The following NCBP1 variants were observed in gnomAD, a reference collection of about 807,000 sequenced individuals.
The protein encoded by NCBP1 is nuclear cap binding protein subunit 1.
A neutral mutation model predicts 111.7 loss-of-function variants in NCBP1; 16 were observed. That is an observed-to-expected ratio of 0.14 (90% confidence interval 0.10 to 0.22). NCBP1 has a LOEUF of 0.22. Ranked by LOEUF, NCBP1 falls within the 10% of genes least tolerant of loss-of-function variation. The pLI is 1.00. For missense variants in NCBP1, 607 were observed against 957.5 expected (o/e 0.63, Z 4.83); for synonymous variants, 304 against 314.3 (o/e 0.97, Z 0.35).
Position 97,669,662 on chromosome 9 carries a change from T to C in NCBP1, c.2215T>C (p.Trp739Arg), listed in dbSNP as rs148698789. The C allele has an allele frequency of 1.5e-5, 24 of 1,612,266 alleles. No individual in the cohort carries two copies. The highest frequency in any genetic ancestry group is 2.0e-5 in the Non-Finnish European group (24 of 1,178,454). Residue 739 changes from tryptophan to arginine, a missense_variant, in exon 22 of 23, where the codon TGG becomes CGG. Physicochemically the swap from Trp to Arg is moderately radical, Grantham distance 101 (BLOSUM62 -3). This residue lies in a region of NCBP1 where 282 missense variants were observed against 376.5 expected (regional missense o/e 0.75). Coordinates refer to ENST00000375147, the MANE Select transcript of NCBP1 (RefSeq NM_002486.5). ...TGATGGGACCAGTGTATTAACACCA[T>C]GGTATAAGAACTGTATAGAGAGGCT... ...ETDGTSVLTP[W>R]YKNCIERLQQ...
In NCBP1 at chr9:97,671,213, C is replaced by T. The variant is rs746827486; in HGVS notation, c.*14C>T. 3.9e-6 allele frequency: 6 copies of T among 1,542,000 alleles called. No individual in the cohort carries two copies. The highest frequency in any genetic ancestry group is 1.7e-4 in the Middle Eastern group (1 of 5,900). On this transcript the variant is annotated 3_prime_UTR_variant, in exon 23 of 23. Transcript: ENST00000375147. ...CTGCAGGCCTAAGGGTCATTTTTTC[C>T]TCATGTCAAGGTTTTTTTTGATATC...
At chr9:97,658,503 A>AT (rs1251392327) in intron 14 of NCBP1, 137 bp from the exon 15 acceptor site, 413 of 664,492 alleles carry the variant, frequency 6.2e-4, no homozygotes, top group East Asian at 2.7e-3. Flanking sequence ...AACTCAAAGG[A>AT]TTTTTTTTTC....
rs1157431407 is a variant in NCBP1, at chr9:97,669,669, A to C, written c.2222A>C (p.Lys741Thr). ...DGTSVLTPWY[K>T]NCIERLQQIF... ...ACCAGTGTATTAACACCATGGTATA[A>C]GAACTGTATAGAGAGGCTGCAGCAG... Residue 741 changes from lysine (K) to threonine (T), a missense_variant, in exon 22 of 23, where the codon AAG (lysine) becomes ACG (threonine). Physicochemically the swap from Lys to Thr is moderately conservative, Grantham distance 78. This residue lies in a region of NCBP1 where 282 missense variants were observed against 376.5 expected (regional missense o/e 0.75). Coordinates refer to ENST00000375147, the MANE Select transcript of NCBP1 (RefSeq NM_002486.5). 4 of 1,610,270 alleles carry C rather than the reference A, an allele frequency of 2.5e-6. No homozygotes were observed. Among genetic ancestry groups the C allele is most frequent in the African/African-American group, 1.3e-5 (1 of 74,830 alleles).
intron 11 of NCBP1, among the ~76,000 whole-genome samples, chr9:97,654,224 C>T (rs1194450766): frequency 6.6e-6 from 1 of 152,098 alleles, no homozygotes; most frequent in African/African-American, 2.4e-5. Context: ...CAGCATTTTA[C>T]CCACAGTAGA....
chr9:97,634,804 T>G (rs1327786387), intron 1 of NCBP1, among the ~76,000 whole-genome samples: 5 of 152,220 alleles, frequency 3.3e-5, no homozygotes, highest in Non-Finnish European at 4.4e-5. Flanking sequence ...AGATGAGACT[T>G]TGGAACCAGA....
rs748332872 is a variant in NCBP1 at position 97,653,783 on chromosome 9, A to C, written c.1060-15A>C. On this transcript the variant is annotated splice_polypyrimidine_tract_variant and intron_variant, in intron 10 of 22. Transcript: ENST00000375147. ...TAGCAGTTGGATTGAATTGTGACTC[A>C]TGATTCTTTTGTAGGTGATCTTTGC... 3 of 1,599,710 alleles carry C rather than the reference A, an allele frequency of 1.9e-6. No homozygotes were observed. The African/African-American group carries it at 4.0e-5, about 21-fold the overall frequency.
chr9:97,652,864 G>C (rs1165068294), intron 10 of NCBP1, among the ~76,000 whole-genome samples: 1 of 152,132 alleles, frequency 6.6e-6, no homozygotes, highest in Non-Finnish European at 1.5e-5. Flanking sequence ...TTTTAAATCT[G>C]CAAAATGTAT....
chr9:97,641,251 C>A (rs1341878947), intron 2 of NCBP1, among the ~76,000 whole-genome samples: 1 of 151,986 alleles, frequency 6.6e-6, no homozygotes, highest in African/African-American at 2.4e-5. Flanking sequence ...AATACTTATT[C>A]TGTTATCATA....
chr9:97,645,676 C>T lies in NCBP1; in HGVS notation c.555C>T (p.Tyr185=), dbSNP rs1477848847. 4.3e-6 allele frequency: 7 copies of T among 1,613,882 alleles called. No homozygotes were observed. The highest frequency in any genetic ancestry group is 3.3e-5 in the Admixed American group (2 of 60,016). ...SSLPWVGKEL[Y]EKKDAEMDRI... ...TGCCCTGGGTTGGAAAGGAGTTGTACGAAAAGAAAGATGCAGAGATGGACC... is the reference window on the plus strand; with the variant it reads ...TGCCCTGGGTTGGAAAGGAGTTGTATGAAAAGAAAGATGCAGAGATGGACC... Residue 185 remains tyrosine, a synonymous_variant, in exon 6 of 23, where the codon TAC becomes TAT. Transcript: ENST00000375147.
At chr9:97,659,448 A>C (rs1346782096) in intron 15 of NCBP1, among the ~76,000 whole-genome samples, 1 of 152,118 alleles carries the variant, frequency 6.6e-6, no homozygotes, top group Non-Finnish European at 1.5e-5. Context: ...TCTGTCTCTG[A>C]CTGTACCTGT....
chr9:97,667,425 AGTTG>A (rs1180537775), intron 20 of NCBP1, among the ~76,000 whole-genome samples: 1 of 152,212 alleles, frequency 6.6e-6, no homozygotes, highest in Non-Finnish European at 1.5e-5. Context: ...GGTGAAAAAA[AGTTG>A]AGTTTAGTGC....
Position 97,666,743 on chromosome 9 carries a change from A to G in NCBP1, c.1902-20A>G. ...AACCATAGCTTGACATACAGTAACC[A>G]AATGCCATATTTCTTTAAGATTGTT... On this transcript the variant is annotated intron_variant, in intron 19 of 22. Transcript: ENST00000375147. 6.7e-7 allele frequency: 1 copy of G among 1,496,530 alleles called. No homozygotes were observed. The highest frequency in any genetic ancestry group is 1.4e-5 in the African/African-American group (1 of 70,916). The allele number at this position is 1,496,530 out of a possible 1,614,324, so 92.7% of individuals were successfully genotyped here.
intron 3 of NCBP1, among the ~76,000 whole-genome samples, chr9:97,642,397 T>C (rs76414733): frequency 6.6e-6 from 1 of 152,112 alleles, no homozygotes; most frequent in Non-Finnish European, 1.5e-5. Context: ...TTTGAAGACC[T>C]TGATTGTCCC....
At chr9:97,663,696 G>T (rs533907880) in intron 18 of NCBP1, among the ~76,000 whole-genome samples, 2 of 151,730 alleles carry the variant, frequency 1.3e-5, no homozygotes, top group Admixed American at 1.3e-4. Flanking sequence ...TGTTGGCCAG[G>T]CTGGTCTGGA....
chr9:97,659,765 G>T (rs1481358505), intron 15 of NCBP1, among the ~76,000 whole-genome samples: 2 of 152,188 alleles, frequency 1.3e-5, no homozygotes, highest in Admixed American at 6.5e-5. Context: ...CTATCAGAAA[G>T]CTCAGGCTTT....
chr9:97,668,234 C>CT (rs753339211), intron 20 of NCBP1, among the ~76,000 whole-genome samples: 79 of 152,158 alleles, frequency 5.2e-4, no homozygotes, highest in Non-Finnish European at 1.0e-3. Context: ...ACCTCTCAGC[C>CT]TTTTTTCTCT....
chr9:97,669,496 G>A, intron 21 of NCBP1, 97 bp from the exon 22 acceptor site: 2 of 761,982 alleles, frequency 2.6e-6, no homozygotes, highest in Non-Finnish European at 4.5e-6. Flanking sequence ...AAGACAGGGT[G>A]GAACAGGCAA....
intron 19 of NCBP1, 87 bp downstream of exon 19, chr9:97,664,530 A>C: frequency 2.3e-6 from 2 of 879,092 alleles, no homozygotes; most frequent in Admixed American, 4.6e-5. Flanking sequence ...ATTCTGGTCC[A>C]AACCAGGTTG....
At chr9:97,643,549 A>G (rs1197752895) in intron 4 of NCBP1, among the ~76,000 whole-genome samples, 189 bp downstream of exon 4, 1 of 152,154 alleles carries the variant, frequency 6.6e-6, no homozygotes, top group East Asian at 1.9e-4. Flanking sequence ...CCTGAGCTCC[A>G]GTCCAGTATT....
Sources: gnomAD v4.1 joint callset for allele counts (sites outside exome capture counted in the v4.1 genomes callset) on GRCh38, gnomAD v4.1.1 for gene constraint, gnomAD v4.1.1 regional missense constraint, MANE v1.5 for transcripts, NCBI Gene and HGNC (gene_info 2026-07-23, HGNC 2026-07-21) for gene names.